Variants in FHIP2A observed in about 807,000 individuals in gnomAD.
FHIP2A encodes family with sequence similarity 160 member B1.
In FHIP2A, 46 loss-of-function variants were observed where a neutral mutation model predicts 93.5. The observed-to-expected ratio is 0.49, with a 90% CI of 0.39 to 0.63. The LOEUF is 0.63. Ranked by LOEUF, FHIP2A falls within the 20% of genes least tolerant of loss-of-function variation. The pLI is 0.00. For synonymous variants in FHIP2A, 332 were observed against 326.5 expected (o/e 1.02, Z -0.18); for missense variants, 769 against 909.7 (o/e 0.85, Z 1.99).
At chr10:114,845,599 G>A (rs2083696155) in intron 8 of FHIP2A, 118 bp downstream of exon 8, 1 of 639,866 alleles carries the variant, frequency 1.6e-6, no homozygotes. Flanking sequence ...ACCATGGTTA[G>A]TAAAATAAGT....
intron 1 of FHIP2A, among the ~76,000 whole-genome samples, chr10:114,826,706 G>C (rs941056105): frequency 6.6e-6 from 1 of 152,144 alleles, no homozygotes; most frequent in African/African-American, 2.4e-5. Flanking sequence ...AAAAATCTGG[G>C]AGTGGCATCA....
Position 114,845,463 on chromosome 10 carries a change from C to A in FHIP2A, c.1110C>A (p.Leu370=). Residue 370 remains leucine, a synonymous_variant, in exon 8 of 17, where the codon CTC becomes CTA. Transcript: ENST00000369248. Reference sequence around the variant, plus strand: ...CCTGGTTTGATTATTGTGATCAGCTCATTAAGGAAGCCCAAAAGGTTTGTA... The same window carrying A: ...CCTGGTTTGATTATTGTGATCAGCTAATTAAGGAAGCCCAAAAGGTTTGTA... The part of the protein sequence containing the change: ...FLSWFDYCDQ[L]IKEAQKTAAV... 6.2e-7 allele frequency: 1 copy of A among 1,608,898 alleles called. No individual in the cohort carries two copies.
In FHIP2A at chr10:114,861,968, A is replaced by C; in HGVS notation, c.*428A>C. 1.0e-6 allele frequency: 1 copy of C among 983,560 alleles called. No homozygotes were observed. The highest frequency in any genetic ancestry group is 1.2e-6 in the Non-Finnish European group (1 of 827,810). The allele number at this position is 983,560 out of a possible 1,614,324, so 60.9% of individuals were successfully genotyped here. ...GATTAATAAGTAGCAAAAAAAAATC[A>C]CTAATTTTATAACTTTTTAAGGTCA... is the stretch of plus-strand genomic sequence containing the variant. On this transcript the variant is annotated 3_prime_UTR_variant, in exon 17 of 17. Transcript: ENST00000369248.
At chr10:114,826,727 C>T (rs1311095985) in intron 1 of FHIP2A, among the ~76,000 whole-genome samples, 3 of 152,136 alleles carry the variant, frequency 2.0e-5, no homozygotes, top group Non-Finnish European at 4.4e-5. Context: ...GGCACAGTGG[C>T]TCACACCTGT....
In FHIP2A at chr10:114,863,721, G is replaced by A; in HGVS notation, c.*2181G>A. Reference sequence around the variant, plus strand: ...AGTGAAACATTGTACTGCATCACCAGTTTTTCTTACCTTCTGTTGACAGCT... The same window carrying A: ...AGTGAAACATTGTACTGCATCACCAATTTTTCTTACCTTCTGTTGACAGCT... On this transcript the variant is annotated 3_prime_UTR_variant, in exon 17 of 17. Coordinates refer to ENST00000369248, the MANE Select transcript of FHIP2A (RefSeq NM_020940.4). 1 of 1,292,772 alleles carries A rather than the reference G, an allele frequency of 7.7e-7. No individual in the cohort carries two copies. The highest frequency in any genetic ancestry group is 1.3e-5 in the South Asian group (1 of 77,858). The allele number at this position is 1,292,772 out of a possible 1,614,324, so 80.1% of individuals were successfully genotyped here. A position where few individuals can be genotyped will look rare whatever the true frequency, so the allele number is the denominator to read the frequency against.
At chr10:114,897,720 G>C (rs996577375) in intron 16 of FHIP2A, among the ~76,000 whole-genome samples, 1 of 152,022 alleles carries the variant, frequency 6.6e-6, no homozygotes, top group Non-Finnish European at 1.5e-5. Context: ...GACTAGCCTG[G>C]GCAACATGGC....
intron 8 of FHIP2A, 44 bp from the exon 9 acceptor site, chr10:114,845,969 T>C: frequency 7.0e-7 from 1 of 1,436,652 alleles, no homozygotes; most frequent in South Asian, 1.2e-5. Flanking sequence ...AATTAGTCTT[T>C]CTTTTATATT....
chr10:114,836,646 C>T (rs2083638441), intron 5 of FHIP2A, among the ~76,000 whole-genome samples: 1 of 152,156 alleles, frequency 6.6e-6, no homozygotes, highest in Non-Finnish European at 1.5e-5. Context: ...TGGAAAAAAG[C>T]ACGAGTTATC....
At chr10:114,831,981 A>G (rs190951818) in intron 2 of FHIP2A, among the ~76,000 whole-genome samples, 28 of 152,334 alleles carry the variant, frequency 1.8e-4, no homozygotes, top group African/African-American at 6.7e-4. Context: ...GTGTTAGTAT[A>G]CATACAGACA....
intron 1 of FHIP2A, among the ~76,000 whole-genome samples, chr10:114,829,278 G>A (rs139187971): frequency 6.5e-3 from 918 of 140,650 alleles, no homozygotes; most frequent in African/African-American, 0.025. Flanking sequence ...GGCCATTCTC[G>A]GCCTTGAGGG....
chr10:114,879,029 A>G (rs1566385871), intron 16 of FHIP2A, among the ~76,000 whole-genome samples: 1 of 152,226 alleles, frequency 6.6e-6, no homozygotes, highest in African/African-American at 2.4e-5. Context: ...AACAGCTATT[A>G]TTATGTGCCA....
Position 114,863,571 on chromosome 10 carries a change from T to C in FHIP2A, c.*2031T>C. The C allele has an allele frequency of 2.4e-6, 3 of 1,225,354 alleles. No individual in the cohort carries two copies. Among genetic ancestry groups the C allele is most frequent in the Non-Finnish European group, 3.1e-6 (3 of 961,890 alleles). The allele number at this position is 1,225,354 out of a possible 1,614,324, so 75.9% of individuals were successfully genotyped here. On this transcript the variant is annotated 3_prime_UTR_variant, in exon 17 of 17. Coordinates refer to ENST00000369248, the MANE Select transcript of FHIP2A (RefSeq NM_020940.4). ...CTAAGTTGTTGTAATGACTTTAATT[T>C]GTAATCAGCTAAGGCTTAAGATTTC...
chr10:114,873,935 G>A (rs2083871495), intron 16 of FHIP2A, among the ~76,000 whole-genome samples: 1 of 139,774 alleles, frequency 7.2e-6, no homozygotes, highest in Non-Finnish European at 1.6e-5. Flanking sequence ...AGTTATTTAG[G>A]AATATTCAGG....
intron 16 of FHIP2A, among the ~76,000 whole-genome samples, chr10:114,875,853 A>AAAAGAAAGAAAGAAAGAG (rs1461210047): frequency 2.8e-5 from 4 of 143,706 alleles, no homozygotes; most frequent in African/African-American, 1.1e-4. Context: ...GAAAGAAAGA[A>AAAAGAAAGAAAGAAAGAG]AAAGAAAGAA....
chr10:114,861,233 T>A lies in FHIP2A; in HGVS notation c.2091T>A (p.Val697=). The A allele has an allele frequency of 6.2e-7, 1 of 1,614,126 alleles. No homozygotes were observed. Among genetic ancestry groups the A allele is most frequent in the Non-Finnish European group, 8.5e-7 (1 of 1,179,998 alleles). The change falls in exon 16 of 17, where the codon GTT becomes GTA. Residue 697 remains valine, a splice_region_variant and synonymous_variant. Transcript: ENST00000369248. Reference sequence around the variant, plus strand: ...AGTGCCTTGCCTCTGTGATGCAGGTTGTTGGAGACCTTATGCTTCGAATCC... The same window carrying A: ...AGTGCCTTGCCTCTGTGATGCAGGTAGTTGGAGACCTTATGCTTCGAATCC... ...CRSLFSVIVR[V]VGDLMLRIQR...
intron 13 of FHIP2A, among the ~76,000 whole-genome samples, chr10:114,849,165 CTGCTA>C (rs1424349597): frequency 6.9e-6 from 1 of 145,050 alleles, no homozygotes; most frequent in East Asian, 2.1e-4. Flanking sequence ...GACCTGGTCT[CTGCTA>C]TAACTACTTT....
intron 16 of FHIP2A, among the ~76,000 whole-genome samples, chr10:114,891,416 A>G (rs1047715323): frequency 2.6e-5 from 4 of 151,822 alleles, no homozygotes; most frequent in African/African-American, 9.7e-5. Flanking sequence ...TATTATATAC[A>G]GTATATAAAA....
intron 16 of FHIP2A, among the ~76,000 whole-genome samples, chr10:114,891,193 A>G (rs1278692658): frequency 6.8e-6 from 1 of 147,262 alleles, no homozygotes; most frequent in Non-Finnish European, 1.5e-5. Context: ...GACCCTGTCT[A>G]AACAACCATA....
At chr10:114,879,492 CA>C (rs2083906096) in intron 16 of FHIP2A, among the ~76,000 whole-genome samples, 1 of 152,110 alleles carries the variant, frequency 6.6e-6, no homozygotes, top group Admixed American at 6.5e-5. Context: ...TAATACTTTT[CA>C]AGAAAGGTAA....
Sources: allele counts gnomAD v4.1 joint callset (sites outside exome capture counted in the v4.1 genomes callset), GRCh38; gene constraint gnomAD v4.1.1; transcripts MANE v1.5; gene names NCBI Gene and HGNC (gene_info 2026-07-23, HGNC 2026-07-21).